The following GIN1 variants were observed in gnomAD, a reference collection of about 807,000 sequenced individuals.
GIN1 encodes gypsy retrotransposon integrase-like protein 1.
Under a neutral mutation model 51.4 loss-of-function variants are expected in GIN1, and 41 were observed. That is an observed-to-expected ratio of 0.80 (90% CI 0.62 to 1.04). GIN1 has a LOEUF of 1.04. GIN1 is among the 50% of genes least tolerant of loss of function. The probability of loss-of-function intolerance (pLI) is 0.00; values close to 1 mark genes in which losing one functional copy is unlikely to be tolerated. For synonymous variants in GIN1, 222 were observed against 206.5 expected, an observed-to-expected ratio of 1.07 and a Z score of -0.64; for missense variants, 610 against 612.4, an observed-to-expected ratio of 1.00 and a Z score of 0.04.
At chr5:103,091,132 A>G (rs2151461153) in intron 7 of GIN1, among the ~76,000 whole-genome samples, 1 of 152,310 alleles carries the variant, frequency 6.6e-6, no homozygotes, top group East Asian at 1.9e-4. Flanking sequence ...ACTATGGTCT[A>G]AATCTACTGG....
At chr5:103,098,754 C>T (rs1191233141) in intron 4 of GIN1, among the ~76,000 whole-genome samples, 2 of 152,082 alleles carry the variant, frequency 1.3e-5, no homozygotes, top group Admixed American at 6.6e-5. Context: ...CCACTGTACC[C>T]GGCCCTCAAG....
At chr5:103,118,868 G>A (rs963387641) in intron 1 of GIN1, among the ~76,000 whole-genome samples, 1 of 129,924 alleles carries the variant, frequency 7.7e-6, no homozygotes, top group Non-Finnish European at 1.8e-5. Flanking sequence ...TTACAAGGGG[G>A]ATTAAGTGGT....
chr5:103,094,453 C>T (rs1787337066), intron 7 of GIN1, among the ~76,000 whole-genome samples: 2 of 152,122 alleles, frequency 1.3e-5, no homozygotes, highest in African/African-American at 4.8e-5. Flanking sequence ...CTGGAAGAAT[C>T]TTGTGCAAAG....
intron 7 of GIN1, among the ~76,000 whole-genome samples, chr5:103,094,770 T>C (rs1554194847): frequency 6.6e-6 from 1 of 152,188 alleles, no homozygotes; most frequent in African/African-American, 2.4e-5. Flanking sequence ...ATAACCTTTT[T>C]TTTCCCTACT....
intron 1 of GIN1, 39 bp downstream of exon 1, chr5:103,120,025 A>G (rs1788368789): frequency 6.4e-6 from 1 of 155,550 alleles, no homozygotes; most frequent in Admixed American, 6.3e-5. Flanking sequence ...ACTTTAAAAA[A>G]CAGTAGGTAT....
chr5:103,106,729 T>A lies in GIN1; in HGVS notation c.320A>T (p.Asp107Val), dbSNP rs1222772676. The part of the protein sequence containing the change: ...SNYYWTSVTN[D>V]VKQWVYACQH... ...CATAAGCCATACCCACTGTTTGACA[T>A]CATTGGTCACAGATGTCCAATAATA... The change falls in exon 3 of 8, where the codon GAT becomes GTT. Residue 107 changes from aspartate to valine, a missense_variant. Transcript: ENST00000399004. 6.3e-7 allele frequency: 1 copy of A among 1,585,934 alleles called. No homozygotes were observed. Among genetic ancestry groups the A allele is most frequent in the Non-Finnish European group, 8.6e-7 (1 of 1,163,224 alleles).
chr5:103,104,679 CA>C lies in GIN1; in HGVS notation c.500del (p.Leu167CysfsTer7). On this transcript the variant is annotated frameshift_variant, in exon 4 of 8. Coordinates refer to ENST00000399004, the MANE Select transcript of GIN1 (RefSeq NM_017676.2). LOFTEE classifies it high-confidence loss of function. ...SHVYAIIMTD[L>X]FTKWIVILPL... ...GCAAAATCACAATCCATTTGGTGAA[CA>C]AATCTGTCATGATTATAGCATATAC... 1 of 1,612,846 alleles carries C rather than the reference CA, an allele frequency of 6.2e-7. No individual in the cohort carries two copies. Among genetic ancestry groups the C allele is most frequent in the Non-Finnish European group, 8.5e-7 (1 of 1,178,904 alleles).
Position 103,096,554 on chromosome 5 carries a change from T to TTC in GIN1, c.1279_1280dup (p.Ser428AsnfsTer15). ...ACAGATATTTACCTTGTTCACTGGA[T>TTC]TCTCTTATGTAGGGCTTAAGGTGGG... On this transcript the variant is annotated frameshift_variant, in exon 7 of 8. Coordinates refer to ENST00000399004, the MANE Select transcript of GIN1 (RefSeq NM_017676.2). LOFTEE classifies it high-confidence loss of function. 1 of 1,605,734 alleles carries TTC rather than the reference T, an allele frequency of 6.2e-7. No homozygotes were observed. Among genetic ancestry groups the TTC allele is most frequent in the Non-Finnish European group, 8.5e-7 (1 of 1,175,208 alleles).
At chr5:103,101,909 T>C (rs782755337) in intron 4 of GIN1, among the ~76,000 whole-genome samples, 11 of 152,340 alleles carry the variant, frequency 7.2e-5, no homozygotes, top group Admixed American at 3.3e-4. Context: ...ACGTACTCCA[T>C]TGCTCAGACC....
chr5:103,105,648 C>G (rs1310728955), intron 3 of GIN1, among the ~76,000 whole-genome samples: 2 of 152,148 alleles, frequency 1.3e-5, no homozygotes, highest in Non-Finnish European at 1.5e-5. Context: ...ATCAACTGAT[C>G]AATTTATGGA....
At chr5:103,108,443 C>G (rs1554196574) in intron 2 of GIN1, 126 bp downstream of exon 2, 3 of 627,916 alleles carry the variant, frequency 4.8e-6, no homozygotes, top group Non-Finnish European at 8.3e-6. Flanking sequence ...GATTGAGTGG[C>G]ATCATCAATT....
At chr5:103,097,892 TA>T (rs1787454082) in intron 4 of GIN1, 111 bp from the exon 5 acceptor site, 1 of 593,414 alleles carries the variant, frequency 1.7e-6, no homozygotes, top group Non-Finnish European at 2.9e-6. Context: ...TTTATCTATT[TA>T]TTTTTTTGAG....
At chr5:103,097,914 G>C in intron 4 of GIN1, 133 bp from the exon 5 acceptor site, 1 of 554,502 alleles carries the variant, frequency 1.8e-6, no homozygotes, top group Non-Finnish European at 3.1e-6. Context: ...ATGGAGTCTT[G>C]CTCAGTCACC....
intron 7 of GIN1, among the ~76,000 whole-genome samples, chr5:103,089,245 G>A (rs1787167253): frequency 6.6e-6 from 1 of 151,924 alleles, no homozygotes; most frequent in East Asian, 1.9e-4. Context: ...TAAACTGATG[G>A]CAAATCTTCT....
intron 1 of GIN1, among the ~76,000 whole-genome samples, chr5:103,115,116 G>T (rs34774): frequency 0.3 from 45,238 of 151,972 alleles, 6,880 homozygotes; most frequent in East Asian, 0.45. Flanking sequence ...TAAAAAATGT[G>T]ACTGAGTAAC....
intron 3 of GIN1, among the ~76,000 whole-genome samples, chr5:103,105,197 A>C (rs1336452432): frequency 6.6e-6 from 1 of 152,102 alleles, no homozygotes; most frequent in East Asian, 1.9e-4. Flanking sequence ...GACTTCTTGT[A>C]TATGTGAGTT....
intron 4 of GIN1, chr5:103,102,165 A>T (rs1198578363): frequency 6.6e-6 from 1 of 152,226 alleles, no homozygotes; most frequent in Non-Finnish European, 1.5e-5. Flanking sequence ...TAAAAATTAA[A>T]ATTCTTTTAA....
intron 3 of GIN1, chr5:103,106,504 G>C: frequency 2.7e-6 from 1 of 367,654 alleles, no homozygotes. Context: ...ATTTAAATAT[G>C]GTATTTTCAA....
At chr5:103,119,238 G>A (rs547066683) in intron 1 of GIN1, among the ~76,000 whole-genome samples, 1 of 152,276 alleles carries the variant, frequency 6.6e-6, no homozygotes, top group South Asian at 2.1e-4. Context: ...TATAATACCC[G>A]CTGGTTCCAT....
Sources: gnomAD v4.1 joint callset for allele counts (sites outside exome capture counted in the v4.1 genomes callset) on GRCh38, gnomAD v4.1.1 for gene constraint, MANE v1.5 for transcripts, NCBI Gene and HGNC (gene_info 2026-07-23, HGNC 2026-07-21) for gene names.